FDFT1: variants seen among roughly 807,000 people sequenced by gnomAD.
FDFT1 encodes farnesyl-diphosphate farnesyltransferase 1.
A neutral mutation model predicts 46.8 loss-of-function variants in FDFT1; 68 were observed. The ratio of observed to expected loss-of-function variants is 1.45; its 90% CI spans 1.19 to 1.78. The LOEUF (loss-of-function observed/expected upper bound fraction) is 1.78, where lower values mean the gene tolerates loss of function less well. FDFT1 is among the 40% of genes most tolerant of loss of function. FDFT1 has a pLI of 0.00. For synonymous variants in FDFT1, 351 were observed against 185.1 expected (o/e 1.90, Z -7.28); for missense variants, 928 against 524.4 (o/e 1.77, Z -7.52).
intron 7 of FDFT1, 126 bp downstream of exon 7, chr8:11,831,796 G>C (rs1220058028): frequency 2.5e-6 from 2 of 809,994 alleles, no homozygotes; most frequent in South Asian, 3.2e-5. Flanking sequence ...TAAAGAGACA[G>C]GAATTGATAT....
rs761939298 is a variant in FDFT1, at chr8:11,838,384, A to T, written c.1033-4A>T. ...CTTATCATTTTTTCCTGTGTCTTTA[A>T]CAGATTTATCATAGAATCCCCGACT... On this transcript the variant is annotated splice_region_variant and splice_polypyrimidine_tract_variant and intron_variant, in intron 7 of 7. Transcript: ENST00000220584. The T allele has an allele frequency of 4.3e-6, 7 of 1,611,626 alleles. No homozygotes were observed. Among genetic ancestry groups the T allele is most frequent in the Non-Finnish European group, 5.9e-6 (7 of 1,177,704 alleles).
At chr8:11,796,640 C>G (rs1805592135) in intron 1 of FDFT1, among the ~76,000 whole-genome samples, 1 of 152,164 alleles carries the variant, frequency 6.6e-6, no homozygotes, top group African/African-American at 2.4e-5. Context: ...AAGTTGGAAG[C>G]AGCTGATAGA....
At chr8:11,804,692 C>T (rs181228721) in intron 1 of FDFT1, among the ~76,000 whole-genome samples, 1,914 of 146,682 alleles carry the variant, frequency 0.013, 25 homozygotes, top group Non-Finnish European at 0.019. Context: ...ATGCAGCCTC[C>T]GCCTCCTGGG....
At chr8:11,796,462 G>T (rs1300539114) in intron 1 of FDFT1, among the ~76,000 whole-genome samples, 1 of 152,340 alleles carries the variant, frequency 6.6e-6, no homozygotes, top group East Asian at 1.9e-4. Flanking sequence ...TGAAAGTAAA[G>T]ATCAGCCCAA....
chr8:11,817,829 T>TC lies in FDFT1; in HGVS notation c.382-3921_382-3920insC, dbSNP rs529511581. ...CAGCTCCTGGATTCATTAATTTTTT[T>TC]TTTTGAAGGGTTTTTTGTGTGTCTA... On this transcript the variant is annotated intron_variant, in intron 3 of 7. Transcript: ENST00000220584. Among the ~76,000 whole-genome samples the TC allele has an allele frequency of 2.3e-3, 348 of 152,144 alleles. 4 individuals are homozygous for TC. The highest frequency in any genetic ancestry group is 8.1e-3 in the African/African-American group (338 of 41,488).
intron 3 of FDFT1, among the ~76,000 whole-genome samples, chr8:11,821,160 A>C (rs1260152212): frequency 6.6e-6 from 1 of 152,174 alleles, no homozygotes; most frequent in Non-Finnish European, 1.5e-5. Flanking sequence ...AAAAACTTAA[A>C]CCCAGCTTTA....
Position 11,838,834 on chromosome 8 carries a change from T to TG in FDFT1, c.*226dup. On this transcript the variant is annotated 3_prime_UTR_variant, in exon 8 of 8. Coordinates refer to ENST00000220584, the MANE Select transcript of FDFT1 (RefSeq NM_004462.5). ...CTGTCCTTGTGGGTGATGATCACTG[T>TG]GCTGCTTGTGGCTCATGGCAGAGCA... The TG allele has an allele frequency of 1.3e-5, 7 of 556,996 alleles. No homozygotes were observed. The South Asian group carries it at 1.4e-4, about 11-fold the overall frequency. The allele number at this position is 556,996 out of a possible 1,614,324, so 34.5% of individuals were successfully genotyped here.
At chr8:11,797,989 G>A (rs1422419719), upstream of FDFT1, 1 of 152,252 alleles carries the variant, frequency 6.6e-6, no homozygotes. Context: ...TATGCCAGAA[G>A]GCTTGATTTC....
At chr8:11,808,224 C>T (rs150995048) in intron 1 of FDFT1, 3 of 1,171,222 alleles carry the variant, frequency 2.6e-6, no homozygotes, top group South Asian at 4.4e-5. Flanking sequence ...CAGCGGAGCC[C>T]GAGTAGAGTT....
intron 5 of FDFT1, among the ~76,000 whole-genome samples, chr8:11,826,780 A>T (rs1311113430): frequency 2.0e-5 from 3 of 152,112 alleles, no homozygotes; most frequent in African/African-American, 7.2e-5. Flanking sequence ...GTGCCACTGC[A>T]CTCCAGCCTG....
At chr8:11,836,534 C>G (rs1356975201) in intron 7 of FDFT1, among the ~76,000 whole-genome samples, 4 of 152,246 alleles carry the variant, frequency 2.6e-5, no homozygotes, top group Non-Finnish European at 4.4e-5. Flanking sequence ...AAGATCAAGC[C>G]AACTCAACAC....
At chr8:11,815,013 C>T (rs894122172) in intron 3 of FDFT1, among the ~76,000 whole-genome samples, 1 of 152,150 alleles carries the variant, frequency 6.6e-6, no homozygotes, top group African/African-American at 2.4e-5. Flanking sequence ...TGCTATCCCT[C>T]CCTTGGCCCC....
chr8:11,808,388 G>A (rs1036928589), intron 1 of FDFT1: 2 of 1,234,106 alleles, frequency 1.6e-6, no homozygotes, highest in Non-Finnish European at 2.0e-6. Context: ...GCGGGGCTGC[G>A]GGGCGGGCCC....
chr8:11,832,096 C>G (rs995439099), intron 7 of FDFT1, among the ~76,000 whole-genome samples: 3 of 152,132 alleles, frequency 2.0e-5, no homozygotes, highest in Non-Finnish European at 2.9e-5. Context: ...TGCCACAGGC[C>G]TCAATTGAAA....
chr8:11,820,765 C>A (rs148573790), intron 3 of FDFT1, among the ~76,000 whole-genome samples: 1 of 152,194 alleles, frequency 6.6e-6, no homozygotes, highest in Non-Finnish European at 1.5e-5. Context: ...CCTCCAGGTA[C>A]AGTCACTCAC....
chr8:11,827,548 A>G (rs532092902), intron 5 of FDFT1, among the ~76,000 whole-genome samples: 166 of 152,090 alleles, frequency 1.1e-3, no homozygotes, highest in African/African-American at 3.7e-3. Flanking sequence ...GGGAAACAAT[A>G]TTTGCAATTC....
At chr8:11,831,961 A>G (rs1810863446) in intron 7 of FDFT1, among the ~76,000 whole-genome samples, 1 of 152,200 alleles carries the variant, frequency 6.6e-6, no homozygotes, top group Non-Finnish European at 1.5e-5. Flanking sequence ...CAGGAGGCCA[A>G]CCAAGCTTCT....
intron 1 of FDFT1, among the ~76,000 whole-genome samples, chr8:11,796,695 C>A (rs553613918): frequency 6.6e-6 from 1 of 152,272 alleles, no homozygotes; most frequent in African/African-American, 2.4e-5. Context: ...ATTTGTTTTT[C>A]TGTGGTTGAT....
At chr8:11,795,661 C>G (rs1257358081) in exon 1 of FDFT1, 2 of 151,914 alleles carry the variant, frequency 1.3e-5, no homozygotes, top group Non-Finnish European at 2.9e-5. Flanking sequence ...CTGTTTCGGT[C>G]TGCACTGCCT....
Sources: allele counts gnomAD v4.1 joint callset (sites outside exome capture counted in the v4.1 genomes callset), GRCh38; gene constraint gnomAD v4.1.1; transcripts MANE v1.5; gene names NCBI Gene and HGNC (gene_info 2026-07-23, HGNC 2026-07-21).